The following SPIDR variants were observed in gnomAD, a reference collection of about 807,000 sequenced individuals.
SPIDR encodes the protein scaffold protein involved in DNA repair.
SPIDR carries 93 observed loss-of-function variants against 104.6 expected under a neutral mutation model. The observed-to-expected ratio is 0.89, with a 90% CI of 0.75 to 1.06. The LOEUF (loss-of-function observed/expected upper bound fraction) is 1.06, where lower values mean the gene tolerates loss of function less well. Ranked by LOEUF, SPIDR falls within the 50% of genes least tolerant of loss-of-function variation. The probability of loss-of-function intolerance (pLI) is 0.00; values close to 1 mark genes in which losing one functional copy is unlikely to be tolerated. For synonymous variants in SPIDR, 431 were observed against 416.9 expected (o/e 1.03, Z -0.41); for missense variants, 1,154 against 1,111.2 (o/e 1.04, Z -0.55).
At chr8:47,468,093 A>G (rs1183434305) in intron 8 of SPIDR, among the ~76,000 whole-genome samples, 2 of 152,190 alleles carry the variant, frequency 1.3e-5, no homozygotes, top group African/African-American at 4.8e-5. Flanking sequence ...CAGGAATGCA[A>G]TCCCAATCAC....
At chr8:47,535,973 G>A (rs2086834608) in intron 8 of SPIDR, among the ~76,000 whole-genome samples, 1 of 152,104 alleles carries the variant, frequency 6.6e-6, no homozygotes, top group Non-Finnish European at 1.5e-5. Context: ...TAGCAAGGCT[G>A]CAGAATATGT....
intron 11 of SPIDR, among the ~76,000 whole-genome samples, chr8:47,682,521 C>A (rs572534838): frequency 1.3e-5 from 2 of 152,266 alleles, no homozygotes; most frequent in South Asian, 4.1e-4. Flanking sequence ...TGACTAATTT[C>A]ATGAGGTTTT....
At chr8:47,304,435 G>A (rs1306399966) in intron 5 of SPIDR, among the ~76,000 whole-genome samples, 1 of 152,166 alleles carries the variant, frequency 6.6e-6, no homozygotes, top group Non-Finnish European at 1.5e-5. Flanking sequence ...GGGAGGCCAA[G>A]ATGGGAGGAT....
At position 47,623,845 on chromosome 8, in the gene SPIDR, AG is replaced by A. The variant is rs1338286433; in HGVS notation, c.1544+24651del. Among the ~76,000 whole-genome samples the A allele has an allele frequency of 2.0e-5, 3 of 152,228 alleles. No homozygotes were observed. In the East Asian group the frequency reaches 5.8e-4, roughly 29 times the overall value. ...AGATCAACGAGACAGAAAGTTAACA[AG>A]GATATTCAGGAATTGAACTCAGCTC... On this transcript the variant is annotated intron_variant, in intron 10 of 19. Transcript: ENST00000297423.
At chr8:47,487,820 A>C (rs2077948214) in intron 8 of SPIDR, among the ~76,000 whole-genome samples, 1 of 152,260 alleles carries the variant, frequency 6.6e-6, no homozygotes, top group Non-Finnish European at 1.5e-5. Flanking sequence ...GAACAAAGAC[A>C]CAACATGCCA....
At chr8:47,445,741 A>ATTGAG (rs781861742) in intron 8 of SPIDR, among the ~76,000 whole-genome samples, 14 of 152,232 alleles carry the variant, frequency 9.2e-5, no homozygotes, top group South Asian at 2.1e-4. Context: ...GTGAGCACAC[A>ATTGAG]AATATTGAGA....
intron 5 of SPIDR, among the ~76,000 whole-genome samples, chr8:47,309,001 C>G (rs2043625438): frequency 6.6e-6 from 1 of 152,228 alleles, no homozygotes; most frequent in South Asian, 2.1e-4. Flanking sequence ...AGAACAGATT[C>G]TGCCAGTGCA....
intron 8 of SPIDR, among the ~76,000 whole-genome samples, chr8:47,551,751 T>G (rs1319895205): frequency 2.0e-5 from 3 of 152,184 alleles, no homozygotes; most frequent in Non-Finnish European, 4.4e-5. Flanking sequence ...TTTGAAGGGT[T>G]TTTTGTGTCT....
intron 8 of SPIDR, among the ~76,000 whole-genome samples, chr8:47,538,862 T>TC (rs2087498673): frequency 7.1e-6 from 1 of 140,020 alleles, no homozygotes; most frequent in Admixed American, 7.1e-5. Flanking sequence ...CTTTTCTTTT[T>TC]TTTTTTTTTT....
chr8:47,558,547 G>A (rs1356006536), intron 8 of SPIDR, among the ~76,000 whole-genome samples: 1 of 152,112 alleles, frequency 6.6e-6, no homozygotes, highest in Non-Finnish European at 1.5e-5. Flanking sequence ...CAAGATGCCA[G>A]TAGATAATGG....
Position 47,680,235 on chromosome 8 carries a change from G to A in SPIDR, c.1685+6294G>A, listed in dbSNP as rs2076930191. 2.6e-5 allele frequency among the ~76,000 whole-genome samples: 4 copies of A among 152,338 alleles called. No homozygotes were observed. The South Asian group carries it at 8.3e-4, about 32-fold the overall frequency. On this transcript the variant is annotated intron_variant, in intron 11 of 19. Transcript: ENST00000297423. ...CACAGGAAAAAAAGTTGTATGCATT[G>A]CACTTTCCCTTTTCCTTTTAGTCTT...
rs926653914 is a variant in SPIDR, at chr8:47,484,245, T to C, written c.1097+43703T>C. 2.0e-5 allele frequency among the ~76,000 whole-genome samples: 3 copies of C among 152,272 alleles called. No homozygotes were observed. The South Asian group carries it at 6.2e-4, about 31-fold the overall frequency. ...GTCAGGAACCCAATAGAAGCAATCA[T>C]AGCAATGAAAATAGTAACTTTTGAT... is the stretch of plus-strand genomic sequence containing the variant. On this transcript the variant is annotated intron_variant, in intron 8 of 19. Transcript: ENST00000297423.
intron 8 of SPIDR, among the ~76,000 whole-genome samples, chr8:47,451,473 T>G (rs923218965): frequency 7.2e-5 from 11 of 151,844 alleles, no homozygotes; most frequent in Admixed American, 2.6e-4. Context: ...TCCAGCTACT[T>G]GGGAGGCTGA....
At chr8:47,380,309 A>C (rs145847232) in intron 5 of SPIDR, among the ~76,000 whole-genome samples, 1 of 152,322 alleles carries the variant, frequency 6.6e-6, no homozygotes, top group African/African-American at 2.4e-5. Flanking sequence ...GACAGGTCGT[A>C]TCACAGTTTG....
intron 7 of SPIDR, among the ~76,000 whole-genome samples, chr8:47,421,399 A>C (rs1189887412): frequency 6.6e-6 from 1 of 152,086 alleles, no homozygotes; most frequent in Non-Finnish European, 1.5e-5. Flanking sequence ...CAGTTGATTG[A>C]ATTGGCCACT....
intron 7 of SPIDR, among the ~76,000 whole-genome samples, chr8:47,421,841 C>T (rs1357524393): frequency 2.6e-5 from 4 of 152,234 alleles, no homozygotes; most frequent in South Asian, 4.1e-4. Context: ...TCAGGACCCT[C>T]AGCTGCAGGT....
At chr8:47,527,797 C>T (rs1196582735) in intron 8 of SPIDR, 2 of 152,228 alleles carry the variant, frequency 1.3e-5, no homozygotes, top group Admixed American at 1.3e-4. Flanking sequence ...CATCTTTGGA[C>T]AGAGAGCTAC....
intron 8 of SPIDR, among the ~76,000 whole-genome samples, chr8:47,531,932 T>C (rs1283538320): frequency 6.6e-6 from 1 of 151,970 alleles, no homozygotes; most frequent in Non-Finnish European, 1.5e-5. Flanking sequence ...AAGAGTAGAA[T>C]ACAATAACAG....
At chr8:47,667,189 A>T (rs1377789666) in intron 10 of SPIDR, among the ~76,000 whole-genome samples, 1 of 151,984 alleles carries the variant, frequency 6.6e-6, no homozygotes, top group African/African-American at 2.4e-5. Flanking sequence ...GCTGAGGCAC[A>T]AGAATCGCTT....
Sources: allele counts gnomAD v4.1 joint callset (sites outside exome capture counted in the v4.1 genomes callset), GRCh38; gene constraint gnomAD v4.1.1; transcripts MANE v1.5; gene names NCBI Gene and HGNC (gene_info 2026-07-23, HGNC 2026-07-21).